USP54: variants seen among roughly 807,000 people sequenced by gnomAD.
USP54 encodes ubiquitin carboxyl-terminal hydrolase 54.
A neutral mutation model predicts 170.5 loss-of-function variants in USP54; 87 were observed. That is an observed-to-expected ratio of 0.51 (90% confidence interval 0.43 to 0.61). USP54 has a LOEUF of 0.61. Among genes scored for constraint, USP54 ranks in the 20% least tolerant of loss-of-function variants. The pLI is 0.00. For missense variants in USP54, 1,786 were observed against 2,047.8 expected (o/e 0.87, Z 2.47); for synonymous variants, 655 against 742.8 (o/e 0.88, Z 1.92).
Position 73,536,320 on chromosome 10 carries a change from G to C in USP54, c.1093C>G (p.Gln365Glu). The change falls in exon 11 of 24, where the codon CAA (glutamine) becomes GAA (glutamate). Residue 365 changes from glutamine to glutamate, a missense_variant. Gln to Glu is a conservative substitution (Grantham distance 29). Transcript: ENST00000687698. ...CTGCTGTATGACTGGAACTCAGCTTGGGGAGGCAGGTCCTGGGTGGAAACT... is the reference window on the plus strand; with the variant it reads ...CTGCTGTATGACTGGAACTCAGCTTCGGGAGGCAGGTCCTGGGTGGAAACT... ...TPVSTQDLPP[Q>E]AEFQSYSRTC... is the part of the protein sequence containing the mutation. 1 of 1,614,112 alleles carries C rather than the reference G, an allele frequency of 6.2e-7. No individual in the cohort carries two copies. Among genetic ancestry groups the C allele is most frequent in the Non-Finnish European group, 8.5e-7 (1 of 1,180,000 alleles).
chr10:73,550,187 G>A (rs2068911827), intron 4 of USP54, among the ~76,000 whole-genome samples: 1 of 152,198 alleles, frequency 6.6e-6, no homozygotes, highest in African/African-American at 2.4e-5. Flanking sequence ...GCCTCCCAAA[G>A]TGCTGGGATA....
At chr10:73,576,715 G>A (rs2076163024) in intron 1 of USP54, among the ~76,000 whole-genome samples, 1 of 152,162 alleles carries the variant, frequency 6.6e-6, no homozygotes, top group Admixed American at 6.5e-5. Flanking sequence ...GGAACTGAAA[G>A]TTCCTTTTGG....
chr10:73,517,225 G>C lies in USP54; in HGVS notation c.3201C>G (p.Pro1067=), dbSNP rs375614044. ...PSNSSAQPSL[P]LYRTCHPIMP... ...TTATGGGGTGGCAGGTTCTATACAGGGGAAGGCTGGGCTGAGCTGATGAAT... is the reference window on the plus strand; with the variant it reads ...TTATGGGGTGGCAGGTTCTATACAGCGGAAGGCTGGGCTGAGCTGATGAAT... The change falls in exon 20 of 24, where the codon CCC becomes CCG. Residue 1067 remains proline, a synonymous_variant. Coordinates refer to ENST00000687698, the MANE Select transcript of USP54 (RefSeq NM_001391956.1). The C allele has an allele frequency of 8.1e-6, 13 of 1,614,088 alleles. No homozygotes were observed. The highest frequency in any genetic ancestry group is 1.1e-5 in the Non-Finnish European group (13 of 1,180,050).
chr10:73,549,621 T>C (rs1007349893), intron 4 of USP54, among the ~76,000 whole-genome samples: 1 of 152,028 alleles, frequency 6.6e-6, no homozygotes, highest in Non-Finnish European at 1.5e-5. Flanking sequence ...CTCAAATATA[T>C]CTAGACCCTA....
At chr10:73,584,323 G>C (rs1331891983) in intron 1 of USP54, among the ~76,000 whole-genome samples, 1 of 152,126 alleles carries the variant, frequency 6.6e-6, no homozygotes, top group African/African-American at 2.4e-5. Flanking sequence ...GGGAGTCGGA[G>C]GTTGCAGTGA....
chr10:73,602,411 G>A (rs766943531), intron 1 of USP54, among the ~76,000 whole-genome samples: 1 of 151,968 alleles, frequency 6.6e-6, no homozygotes, highest in Non-Finnish European at 1.5e-5. Flanking sequence ...AAATTAGCCG[G>A]GCGTGGTGGC....
intron 19 of USP54, chr10:73,519,045 G>T (rs898860008): frequency 2.0e-5 from 3 of 148,600 alleles, no homozygotes; most frequent in Non-Finnish European, 4.4e-5. Flanking sequence ...TTGAACATTT[G>T]CCTTTTGAAC....
At position 73,545,395 on chromosome 10, in the gene USP54, G is replaced by T. The variant is rs1590225458; in HGVS notation, c.375+143C>A. 21 of 1,114,636 alleles carry T rather than the reference G, an allele frequency of 1.9e-5. No individual in the cohort carries two copies. In the East Asian group the frequency reaches 4.6e-4, roughly 24 times the overall value. 69.0% of individuals were successfully genotyped at this position (1,114,636 alleles called of 1,614,324 possible). On this transcript the variant is annotated intron_variant, in intron 5 of 23. Coordinates refer to ENST00000687698, the MANE Select transcript of USP54 (RefSeq NM_001391956.1). Reference sequence around the variant, plus strand: ...ACACTGCTATAACAGAGACATTTTAGATCCCTGAAAAATCAGAGAAAACTC... The same window carrying T: ...ACACTGCTATAACAGAGACATTTTATATCCCTGAAAAATCAGAGAAAACTC...
At chr10:73,569,445 C>T (rs2074560124) in intron 4 of USP54, among the ~76,000 whole-genome samples, 2 of 152,116 alleles carry the variant, frequency 1.3e-5, no homozygotes, top group South Asian at 2.1e-4. Context: ...TATTTGAACT[C>T]CCCAATAAAC....
At position 73,575,909 on chromosome 10, in the gene USP54, AC is replaced by A. The variant is rs1310890141; in HGVS notation, c.-130del. Reference sequence around the variant, plus strand: ...TCTCCAAAATGTAACATGGCACAGGACTAATGCAAACAGAGAAATCCTTAAG... The same window carrying A: ...TCTCCAAAATGTAACATGGCACAGGATAATGCAAACAGAGAAATCCTTAAG... On this transcript the variant is annotated 5_prime_UTR_variant, in exon 2 of 24. Coordinates refer to ENST00000687698, the MANE Select transcript of USP54 (RefSeq NM_001391956.1). 1 of 318,200 alleles carries A rather than the reference AC, an allele frequency of 3.1e-6. No individual in the cohort carries two copies. Among genetic ancestry groups the A allele is most frequent in the Non-Finnish European group, 5.7e-6 (1 of 175,638 alleles). The allele number at this position is 318,200 out of a possible 1,614,324, so 19.7% of individuals were successfully genotyped here.
chr10:73,621,573 C>T (rs1456184645), intron 1 of USP54, among the ~76,000 whole-genome samples: 1 of 140,890 alleles, frequency 7.1e-6, no homozygotes, highest in Non-Finnish European at 1.5e-5. Flanking sequence ...GTACTCCAGC[C>T]TGGGCGACAC....
At chr10:73,561,015 T>C (rs188593072) in intron 4 of USP54, among the ~76,000 whole-genome samples, 92 of 137,582 alleles carry the variant, frequency 6.7e-4, no homozygotes, top group African/African-American at 2.3e-3. Flanking sequence ...TGAAGCAGGA[T>C]AATCGCTTGA....
chr10:73,524,411 C>A (rs1203619620), intron 16 of USP54, among the ~76,000 whole-genome samples: 3 of 151,724 alleles, frequency 2.0e-5, no homozygotes, highest in African/African-American at 7.3e-5. Context: ...GAAACCCCGT[C>A]TCTACTAAAA....
intron 4 of USP54, among the ~76,000 whole-genome samples, chr10:73,560,105 C>T (rs1346668148): frequency 6.6e-6 from 1 of 151,894 alleles, no homozygotes; most frequent in African/African-American, 2.4e-5. Flanking sequence ...TCTTATTAGC[C>T]TCATCAAACA....
chr10:73,558,473 G>A (rs888614388), intron 4 of USP54, among the ~76,000 whole-genome samples: 3 of 152,022 alleles, frequency 2.0e-5, no homozygotes, highest in Non-Finnish European at 4.4e-5. Flanking sequence ...ATACATTATA[G>A]TATACAATAC....
chr10:73,559,896 T>C (rs1211783156), intron 4 of USP54, among the ~76,000 whole-genome samples: 3 of 151,282 alleles, frequency 2.0e-5, no homozygotes, highest in African/African-American at 7.3e-5. Flanking sequence ...TGAAATCACA[T>C]CTCTACTAAA....
chr10:73,577,772 A>C (rs2076316155), intron 1 of USP54, among the ~76,000 whole-genome samples: 1 of 152,220 alleles, frequency 6.6e-6, no homozygotes, highest in South Asian at 2.1e-4. Flanking sequence ...AGTGCCAGTC[A>C]TAAGAAGGCA....
At chr10:73,607,739 G>C (rs12242226) in intron 1 of USP54, among the ~76,000 whole-genome samples, 1 of 150,782 alleles carries the variant, frequency 6.6e-6, no homozygotes, top group South Asian at 2.1e-4. Context: ...GCTGAGACAC[G>C]AGAATTGCTT....
At chr10:73,503,826 G>A (rs1049109714) in intron 22 of USP54, among the ~76,000 whole-genome samples, 4 of 152,104 alleles carry the variant, frequency 2.6e-5, no homozygotes, top group East Asian at 1.9e-4. Flanking sequence ...TCTGCCACCC[G>A]GATTCAAGCG....
Sources: gnomAD v4.1 joint callset for allele counts (sites outside exome capture counted in the v4.1 genomes callset) on GRCh38, gnomAD v4.1.1 for gene constraint, MANE v1.5 for transcripts, NCBI Gene and HGNC (gene_info 2026-07-23, HGNC 2026-07-21) for gene names.